The following KDM4B variants were observed in gnomAD, a reference collection of about 807,000 sequenced individuals.
KDM4B encodes the protein lysine-specific demethylase 4B.
Under a neutral mutation model 125.2 loss-of-function variants are expected in KDM4B, and 32 were observed. The observed-to-expected ratio is 0.26, with a 90% CI of 0.19 to 0.34. The LOEUF is 0.34. Ranked by LOEUF, KDM4B falls within the 10% of genes least tolerant of loss-of-function variation. The pLI, the probability that KDM4B is intolerant of heterozygous loss-of-function variation, is 1.00. For synonymous variants in KDM4B, 721 were observed against 677.9 expected (o/e 1.06, Z -0.99); for missense variants, 1,190 against 1,577.7 (o/e 0.75, Z 4.16).
chr19:4,980,401 G>C (rs2034594755), intron 1 of KDM4B, among the ~76,000 whole-genome samples: 1 of 150,156 alleles, frequency 6.7e-6, no homozygotes, highest in South Asian at 2.1e-4. Flanking sequence ...GCATGTGTCA[G>C]AGCCTTGTCC....
At chr19:5,110,063 A>G (rs1437967506) in intron 9 of KDM4B, among the ~76,000 whole-genome samples, 1 of 152,086 alleles carries the variant, frequency 6.6e-6, no homozygotes, top group East Asian at 1.9e-4. Flanking sequence ...CCCCTCACTG[A>G]GCTGCGCCCA....
intron 15 of KDM4B, among the ~76,000 whole-genome samples, chr19:5,136,110 C>G (rs537887833): frequency 6.6e-6 from 1 of 152,388 alleles, no homozygotes; most frequent in Admixed American, 6.5e-5. Context: ...AGGGTTCCTC[C>G]TCACTGGCCC....
At chr19:5,131,649 A>AGGTGGGGTGGGGCGG (rs2039557279) in intron 12 of KDM4B, 104 bp downstream of exon 12, 5 of 232,674 alleles carry the variant, frequency 2.1e-5, no homozygotes, top group Admixed American at 7.5e-5. Flanking sequence ...GGGAGGGGGC[A>AGGTGGGGTGGGGCGG]GGGAGGAGGG....
chr19:5,040,396 G>A (rs1287351678), intron 4 of KDM4B, among the ~76,000 whole-genome samples: 1 of 152,048 alleles, frequency 6.6e-6, no homozygotes, highest in African/African-American at 2.4e-5. Context: ...CAGAACACAC[G>A]AGGGCACATG....
chr19:4,987,856 G>A (rs537915335), intron 1 of KDM4B, among the ~76,000 whole-genome samples: 9 of 152,278 alleles, frequency 5.9e-5, no homozygotes, highest in East Asian at 1.9e-4. Context: ...CTGGGGCTGC[G>A]GCCTGGACTG....
chr19:5,111,342 G>C (rs1275998443), intron 10 of KDM4B: 3 of 754,582 alleles, frequency 4.0e-6, no homozygotes, highest in Non-Finnish European at 7.3e-6. Flanking sequence ...GCCGGCCCCG[G>C]GGCGTGACCC....
Position 5,033,043 on chromosome 19 carries a change from C to A in KDM4B, c.141+12C>A, listed in dbSNP as rs556154029. 9 of 1,611,974 alleles carry A rather than the reference C, an allele frequency of 5.6e-6. No individual in the cohort carries two copies. In the African/African-American group the frequency reaches 8.0e-5, roughly 14 times the overall value. Reference sequence around the variant, plus strand: ...CGGGCCTGGCCAAGGTGGGTGACATCCTGGCCCCAGCGCGGCCCTCCATCA... The same window carrying A: ...CGGGCCTGGCCAAGGTGGGTGACATACTGGCCCCAGCGCGGCCCTCCATCA... On this transcript the variant is annotated intron_variant, in intron 3 of 22. Transcript: ENST00000159111.
At chr19:5,014,057 A>G (rs189285387) in intron 1 of KDM4B, among the ~76,000 whole-genome samples, 23 of 152,388 alleles carry the variant, frequency 1.5e-4, no homozygotes, top group Admixed American at 1.5e-3. Context: ...AGTCGGGTGA[A>G]TGAGCCGTGC....
rs1202600303 is a variant in KDM4B, at chr19:5,035,393, T to TGCCTTTAGGA, written c.141+2369_141+2370insGGAGCCTTTA. Among the ~76,000 whole-genome samples, 1 of 152,018 alleles carries TGCCTTTAGGA rather than the reference T, an allele frequency of 6.6e-6. No homozygotes were observed. Among genetic ancestry groups the TGCCTTTAGGA allele is most frequent in the Non-Finnish European group, 1.5e-5 (1 of 67,988 alleles). On this transcript the variant is annotated intron_variant, in intron 3 of 22. Coordinates refer to ENST00000159111, the MANE Select transcript of KDM4B (RefSeq NM_015015.3). The surrounding 1 kb of genome is among the most constrained non-coding windows in gnomAD (Gnocchi z 5.3). Reference sequence around the variant, plus strand: ...CAGACCGCCCTGCGCTCTTCCGAGGTGCCTTTAAATGCCCGCCCCGTCACT... The same window carrying TGCCTTTAGGA: ...CAGACCGCCCTGCGCTCTTCCGAGGTGCCTTTAGGAGCCTTTAAATGCCCGCCCCGTCACT...
At chr19:5,009,888 C>G (rs1212729283) in intron 1 of KDM4B, among the ~76,000 whole-genome samples, 1 of 152,232 alleles carries the variant, frequency 6.6e-6, no homozygotes, top group African/African-American at 2.4e-5. Flanking sequence ...CCTTCCACTA[C>G]GCCTGGCTAA....
chr19:5,056,912 C>T (rs1242999550), intron 6 of KDM4B, among the ~76,000 whole-genome samples: 1 of 128,668 alleles, frequency 7.8e-6, no homozygotes, highest in Non-Finnish European at 1.7e-5. Context: ...GGCGGGGAGT[C>T]CTGGGGTGTC....
At chr19:5,069,484 AT>A (rs2037878785) in intron 6 of KDM4B, among the ~76,000 whole-genome samples, 1 of 149,778 alleles carries the variant, frequency 6.7e-6, no homozygotes, top group Non-Finnish European at 1.5e-5. Context: ...TAATTTTTGT[AT>A]TTTTCGTAGA....
intron 1 of KDM4B, among the ~76,000 whole-genome samples, chr19:4,995,919 A>T (rs912461297): frequency 2.2e-4 from 34 of 152,312 alleles, no homozygotes; most frequent in African/African-American, 8.2e-4. Context: ...GTGGCTCTGC[A>T]GTCCTTTATT....
At chr19:5,090,506 CT>C (rs1311712462) in intron 9 of KDM4B, among the ~76,000 whole-genome samples, 10 of 47,936 alleles carry the variant, frequency 2.1e-4, no homozygotes, top group Non-Finnish European at 3.5e-4. Context: ...CTCTCGCCCC[CT>C]CTCTCTCCCT....
At chr19:5,130,017 C>G (rs2039514916) in intron 11 of KDM4B, among the ~76,000 whole-genome samples, 1 of 152,186 alleles carries the variant, frequency 6.6e-6, no homozygotes, top group African/African-American at 2.4e-5. Context: ...CTGGGCACTC[C>G]AGGACAGAAA....
chr19:5,103,569 A>T (rs1410794687), intron 9 of KDM4B, among the ~76,000 whole-genome samples: 6 of 152,190 alleles, frequency 3.9e-5, no homozygotes, highest in Non-Finnish European at 8.8e-5. Flanking sequence ...GCCAGCCAGC[A>T]GCAGCGGTGC....
intron 9 of KDM4B, among the ~76,000 whole-genome samples, chr19:5,094,866 C>G (rs2038787261): frequency 6.6e-6 from 1 of 152,228 alleles, no homozygotes; most frequent in African/African-American, 2.4e-5. Context: ...TTGCTAATAG[C>G]CGGGTGGGCT....
chr19:5,122,800 C>T (rs900290126), intron 11 of KDM4B, among the ~76,000 whole-genome samples: 2 of 152,238 alleles, frequency 1.3e-5, no homozygotes, highest in Non-Finnish European at 2.9e-5. Flanking sequence ...CTCTGGGAAG[C>T]GCTGCAGACA....
intron 1 of KDM4B, among the ~76,000 whole-genome samples, chr19:5,007,542 CTTTTTTTT>C (rs10536135): frequency 8.9e-5 from 9 of 100,764 alleles, no homozygotes; most frequent in Admixed American, 8.0e-4. Context: ...TTCTCTCTCT[CTTTTTTTT>C]TTTTTTTTTT....
Sources: gnomAD v4.1 joint callset for allele counts (sites outside exome capture counted in the v4.1 genomes callset) on GRCh38, gnomAD v4.1.1 for gene constraint, Gnocchi (gnomAD v3.1) non-coding constraint, MANE v1.5 for transcripts, NCBI Gene and HGNC (gene_info 2026-07-23, HGNC 2026-07-21) for gene names.